Variants in DIAPH3 observed in about 807,000 individuals in gnomAD.
DIAPH3 encodes protein diaphanous homolog 3.
DIAPH3 carries 117 observed loss-of-function variants against 144.3 expected under a neutral mutation model. That is an observed-to-expected ratio of 0.81 (90% CI 0.70 to 0.95). DIAPH3 has a LOEUF of 0.95. Among genes scored for constraint, DIAPH3 ranks in the 40% least tolerant of loss-of-function variants. The pLI is 0.00. For missense variants in DIAPH3, 1,421 were observed against 1,412.7 expected, an observed-to-expected ratio of 1.01 and a Z score of -0.09; for synonymous variants, 519 against 488.9, an observed-to-expected ratio of 1.06 and a Z score of -0.81.
intron 9 of DIAPH3, among the ~76,000 whole-genome samples, chr13:60,003,433 G>GA (rs536161587): frequency 1.3e-5 from 2 of 150,522 alleles, no homozygotes; most frequent in Admixed American, 6.6e-5. Flanking sequence ...TCTGATGTTT[G>GA]AAAAAAAAGT....
intron 17 of DIAPH3, among the ~76,000 whole-genome samples, chr13:59,946,018 A>G (rs1872214306): frequency 6.6e-6 from 1 of 152,210 alleles, no homozygotes; most frequent in African/African-American, 2.4e-5. Flanking sequence ...AGCTGTCTCC[A>G]TAGTGGACAT....
At chr13:59,809,546 G>A (rs1233316527) in intron 25 of DIAPH3, among the ~76,000 whole-genome samples, 1 of 149,906 alleles carries the variant, frequency 6.7e-6, no homozygotes, top group Non-Finnish European at 1.5e-5. Context: ...AGAATCTTCT[G>A]TAAATTAGGA....
At chr13:59,838,565 A>G (rs2042162414) in intron 23 of DIAPH3, 1 of 152,184 alleles carries the variant, frequency 6.6e-6, no homozygotes, top group African/African-American at 2.4e-5. Flanking sequence ...CTAATTTATA[A>G]TATATGCCAA....
intron 17 of DIAPH3, among the ~76,000 whole-genome samples, chr13:59,964,046 A>C (rs186630184): frequency 1.3e-5 from 2 of 152,312 alleles, no homozygotes; most frequent in African/African-American, 4.8e-5. Flanking sequence ...GGGCAACTGG[A>C]ATTGCCCTGG....
At chr13:59,680,466 G>A (rs1190461537) in intron 27 of DIAPH3, among the ~76,000 whole-genome samples, 1 of 152,126 alleles carries the variant, frequency 6.6e-6, no homozygotes, top group South Asian at 2.1e-4. Flanking sequence ...GAGGTAGTTA[G>A]TACCCCAACA....
At chr13:60,061,688 A>G (rs2056781235) in intron 4 of DIAPH3, among the ~76,000 whole-genome samples, 1 of 151,966 alleles carries the variant, frequency 6.6e-6, no homozygotes, top group Non-Finnish European at 1.5e-5. Flanking sequence ...GACAAAATAC[A>G]GGGAGAATTG....
intron 4 of DIAPH3, among the ~76,000 whole-genome samples, chr13:60,054,993 TA>T (rs953255632): frequency 2.0e-5 from 3 of 151,812 alleles, no homozygotes; most frequent in African/African-American, 7.2e-5. Context: ...ACCAACAAAA[TA>T]AAGTTTAGCA....
intron 27 of DIAPH3, among the ~76,000 whole-genome samples, chr13:59,689,622 G>A (rs1463727181): frequency 6.6e-6 from 1 of 152,040 alleles, no homozygotes; most frequent in Non-Finnish European, 1.5e-5. Flanking sequence ...TATTCTGCAG[G>A]TTTGGATGGA....
chr13:60,152,897 T>G (rs1025842981), intron 1 of DIAPH3, among the ~76,000 whole-genome samples: 2 of 152,092 alleles, frequency 1.3e-5, no homozygotes, highest in African/African-American at 4.8e-5. Flanking sequence ...CTGGTTCAGG[T>G]ACACATCTAA....
chr13:59,949,601 T>A (rs1284655139), intron 17 of DIAPH3, among the ~76,000 whole-genome samples: 4 of 152,186 alleles, frequency 2.6e-5, no homozygotes, highest in Non-Finnish European at 5.9e-5. Flanking sequence ...ATATGACCAT[T>A]AGTTTATATA....
intron 3 of DIAPH3, 148 bp from the exon 4 acceptor site, chr13:60,093,880 G>T: frequency 4.7e-6 from 3 of 642,118 alleles, no homozygotes; most frequent in Non-Finnish European, 5.6e-6. Context: ...CTGAAGGAAG[G>T]AGAGAGAAAA....
intron 25 of DIAPH3, among the ~76,000 whole-genome samples, chr13:59,798,485 G>A (rs1435669710): frequency 6.6e-6 from 1 of 152,182 alleles, no homozygotes; most frequent in Admixed American, 6.5e-5. Flanking sequence ...CTCTGTATCT[G>A]AATTTACTTA....
At chr13:59,799,896 G>A (rs1277638987) in intron 25 of DIAPH3, among the ~76,000 whole-genome samples, 2 of 152,118 alleles carry the variant, frequency 1.3e-5, no homozygotes, top group East Asian at 1.9e-4. Flanking sequence ...ATTAACTGAA[G>A]TATCATTTAA....
intron 4 of DIAPH3, among the ~76,000 whole-genome samples, chr13:60,079,625 GT>G (rs1823588198): frequency 6.6e-6 from 1 of 151,464 alleles, no homozygotes; most frequent in African/African-American, 2.4e-5. Context: ...CACAAAAATG[GT>G]TATCACAGAT....
chr13:59,767,029 G>A (rs1380466527), intron 27 of DIAPH3, among the ~76,000 whole-genome samples: 1 of 152,026 alleles, frequency 6.6e-6, no homozygotes, highest in African/African-American at 2.4e-5. Flanking sequence ...AGGGGAGAAC[G>A]CTCCTCCTCT....
intron 5 of DIAPH3, among the ~76,000 whole-genome samples, chr13:60,036,864 A>C (rs2055268155): frequency 6.6e-6 from 1 of 152,134 alleles, no homozygotes; most frequent in Non-Finnish European, 1.5e-5. Context: ...GTATAGAGCA[A>C]GATGGTCTAA....
chr13:59,668,473 G>A (rs965180435), intron 27 of DIAPH3, among the ~76,000 whole-genome samples: 1 of 152,218 alleles, frequency 6.6e-6, no homozygotes, highest in African/African-American at 2.4e-5. Flanking sequence ...GCAAAGAAGA[G>A]ATTAAATTAG....
chr13:60,011,272 T>C (rs2053242845), intron 7 of DIAPH3, among the ~76,000 whole-genome samples: 1 of 152,020 alleles, frequency 6.6e-6, no homozygotes, highest in Non-Finnish European at 1.5e-5. Flanking sequence ...GTCAGAAACA[T>C]GGGATTTGCC....
intron 25 of DIAPH3, among the ~76,000 whole-genome samples, chr13:59,800,068 T>C (rs1404280127): frequency 6.6e-6 from 1 of 152,164 alleles, no homozygotes; most frequent in East Asian, 1.9e-4. Context: ...AAACTTCTGT[T>C]TCAGAATCAG....
Sources: allele counts gnomAD v4.1 joint callset (sites outside exome capture counted in the v4.1 genomes callset), GRCh38; gene constraint gnomAD v4.1.1; transcripts MANE v1.5; gene names NCBI Gene and HGNC (gene_info 2026-07-23, HGNC 2026-07-21).